SORCS3: variants seen among roughly 807,000 people sequenced by gnomAD.
SORCS3 encodes the protein VPS10 domain-containing receptor SorCS3.
Under a neutral mutation model 146.3 loss-of-function variants are expected in SORCS3, and 57 were observed. The ratio of observed to expected loss-of-function variants is 0.39; its 90% CI spans 0.31 to 0.49. The LOEUF is 0.49. SORCS3 is among the 20% of genes least tolerant of loss of function. The pLI is 0.92. For synonymous variants in SORCS3, 653 were observed against 618.5 expected (o/e 1.06, Z -0.83); for missense variants, 1,341 against 1,575.5 (o/e 0.85, Z 2.52).
chr10:104,982,722 T>C (rs1185547110), intron 4 of SORCS3, among the ~76,000 whole-genome samples: 2 of 152,204 alleles, frequency 1.3e-5, no homozygotes, highest in African/African-American at 4.8e-5. Flanking sequence ...GCTATCTTCA[T>C]CACCATAGAA....
intron 5 of SORCS3, among the ~76,000 whole-genome samples, chr10:105,064,463 C>A (rs948251501): frequency 6.6e-6 from 1 of 152,108 alleles, no homozygotes; most frequent in Non-Finnish European, 1.5e-5. Flanking sequence ...TTGAAAGGTA[C>A]CCCAATAGGT....
intron 6 of SORCS3, among the ~76,000 whole-genome samples, chr10:105,091,789 G>A (rs1440267469): frequency 3.3e-5 from 5 of 152,182 alleles, no homozygotes; most frequent in African/African-American, 1.2e-4. Context: ...GAAACTGGGA[G>A]AAGAATGAGA....
chr10:105,101,339 C>T (rs565557283), intron 6 of SORCS3, among the ~76,000 whole-genome samples: 1 of 152,238 alleles, frequency 6.6e-6, no homozygotes, highest in African/African-American at 2.4e-5. Flanking sequence ...TCTGTTTGAC[C>T]GCCAGGCCTG....
chr10:104,699,461 G>T (rs770005929), intron 1 of SORCS3, among the ~76,000 whole-genome samples: 68 of 152,146 alleles, frequency 4.5e-4, no homozygotes, highest in Non-Finnish European at 9.1e-4. Flanking sequence ...TATCTAGGAT[G>T]GTTTCAAAGA....
At chr10:104,753,752 C>T (rs2017015039) in intron 1 of SORCS3, among the ~76,000 whole-genome samples, 1 of 152,058 alleles carries the variant, frequency 6.6e-6, no homozygotes, top group South Asian at 2.1e-4. Flanking sequence ...GTGACATTGT[C>T]CTTGGGGTTT....
At chr10:104,856,467 T>C (rs967501839) in intron 2 of SORCS3, among the ~76,000 whole-genome samples, 1 of 147,898 alleles carries the variant, frequency 6.8e-6, no homozygotes, top group African/African-American at 2.5e-5. Context: ...ATAACTAATT[T>C]ATATATATGC....
intron 3 of SORCS3, among the ~76,000 whole-genome samples, chr10:104,923,857 CA>C (rs1301809895): frequency 1.3e-5 from 2 of 152,138 alleles, no homozygotes; most frequent in Non-Finnish European, 1.5e-5. Flanking sequence ...ATAAAGGCAA[CA>C]AGTGTCTATG....
chr10:104,943,077 T>G (rs2019336274), intron 3 of SORCS3, among the ~76,000 whole-genome samples: 1 of 152,222 alleles, frequency 6.6e-6, no homozygotes, highest in Non-Finnish European at 1.5e-5. Context: ...TCACTGGATA[T>G]AATGTCAATG....
intron 2 of SORCS3, among the ~76,000 whole-genome samples, chr10:104,855,154 T>A (rs552671790): frequency 1.6e-4 from 24 of 152,370 alleles, no homozygotes; most frequent in African/African-American, 5.8e-4. Flanking sequence ...TATATGGGAC[T>A]GTTTTTTGCT....
At chr10:105,014,590 G>A (rs998615319) in intron 4 of SORCS3, among the ~76,000 whole-genome samples, 3 of 152,058 alleles carry the variant, frequency 2.0e-5, no homozygotes, top group South Asian at 2.1e-4. Flanking sequence ...ATAAGCAAAA[G>A]ATAGACAAGC....
intron 1 of SORCS3, among the ~76,000 whole-genome samples, chr10:104,737,830 T>A (rs2016793296): frequency 6.7e-6 from 1 of 150,022 alleles, no homozygotes; most frequent in Admixed American, 6.6e-5. Flanking sequence ...TTTTGGTGTT[T>A]TAGACATGAA....
chr10:104,916,230 G>C (rs568584604), intron 3 of SORCS3, among the ~76,000 whole-genome samples: 2 of 152,174 alleles, frequency 1.3e-5, no homozygotes, highest in Non-Finnish European at 2.9e-5. Flanking sequence ...CATTTTGCAA[G>C]AGAAGCTCAG....
intron 4 of SORCS3, among the ~76,000 whole-genome samples, chr10:105,028,616 G>T (rs972990561): frequency 6.6e-6 from 1 of 152,128 alleles, no homozygotes; most frequent in Non-Finnish European, 1.5e-5. Context: ...CCCTTAGTCT[G>T]TGTATTTGGA....
intron 4 of SORCS3, among the ~76,000 whole-genome samples, chr10:104,979,208 A>G (rs1274885798): frequency 1.3e-5 from 2 of 152,204 alleles, no homozygotes; most frequent in East Asian, 1.9e-4. Context: ...TACAAGCTCT[A>G]TCTTGTAATC....
At chr10:104,790,126 G>A (rs1385935114) in intron 1 of SORCS3, among the ~76,000 whole-genome samples, 1 of 152,200 alleles carries the variant, frequency 6.6e-6, no homozygotes, top group Non-Finnish European at 1.5e-5. Flanking sequence ...ATATCTAAAA[G>A]CCACCACAGT....
intron 4 of SORCS3, among the ~76,000 whole-genome samples, chr10:104,990,482 G>A (rs958121998): frequency 1.5e-4 from 23 of 151,942 alleles, no homozygotes; most frequent in African/African-American, 5.6e-4. Flanking sequence ...TGGTGGTAGC[G>A]GAAGATTTGT....
chr10:105,263,281 T>G (rs779557641), intron 26 of SORCS3, 29 bp from the exon 27 acceptor site: 1 of 1,611,604 alleles, frequency 6.2e-7, no homozygotes, highest in Non-Finnish European at 8.5e-7. Context: ...CTCACATCCA[T>G]TTCTCCCTGT....
chr10:105,106,591 G>A (rs2055823463), intron 7 of SORCS3, among the ~76,000 whole-genome samples: 1 of 152,128 alleles, frequency 6.6e-6, no homozygotes, highest in African/African-American at 2.4e-5. Context: ...TGCATATCAG[G>A]GGTGCTCAGT....
intron 3 of SORCS3, among the ~76,000 whole-genome samples, chr10:104,967,914 G>T (rs2054835416): frequency 1.3e-5 from 2 of 151,706 alleles, no homozygotes; most frequent in Admixed American, 6.6e-5. Context: ...CCCACCTCAG[G>T]CTCCCAAAAT....
Sources: allele counts gnomAD v4.1 joint callset (sites outside exome capture counted in the v4.1 genomes callset), GRCh38; gene constraint gnomAD v4.1.1; transcripts MANE v1.5; gene names NCBI Gene and HGNC (gene_info 2026-07-23, HGNC 2026-07-21).